Variants in CARMIL1 observed in about 807,000 individuals in gnomAD.
The protein encoded by CARMIL1 is F-actin-uncapping protein LRRC16A.
In CARMIL1, 90 loss-of-function variants were observed where a neutral mutation model predicts 177.1. The observed-to-expected ratio is 0.51, with a 90% confidence interval of 0.43 to 0.61. The LOEUF (loss-of-function observed/expected upper bound fraction) is 0.61. CARMIL1 is among the 20% of genes least tolerant of loss of function. The probability of loss-of-function intolerance (pLI) is 0.00; values close to 1 mark genes in which losing one functional copy is unlikely to be tolerated. For missense variants in CARMIL1, 1,380 were observed against 1,667.0 expected (o/e 0.83, Z 3.00); for synonymous variants, 577 against 606.2 (o/e 0.95, Z 0.71).
At chr6:25,457,617 G>A (rs186680446) in intron 8 of CARMIL1, among the ~76,000 whole-genome samples, 17 of 152,302 alleles carry the variant, frequency 1.1e-4, no homozygotes, top group Admixed American at 2.0e-4. Context: ...AAAGGCTATC[G>A]AATGAATATG....
intron 2 of CARMIL1, among the ~76,000 whole-genome samples, chr6:25,341,583 G>A (rs113551054): frequency 0.012 from 1,752 of 152,290 alleles, 32 homozygotes; most frequent in African/African-American, 0.04. Context: ...AATTAGCGTG[G>A]TGCACACGCC....
At chr6:25,308,507 G>A (rs370708305) in intron 2 of CARMIL1, among the ~76,000 whole-genome samples, 77 of 149,786 alleles carry the variant, frequency 5.1e-4, no homozygotes, top group African/African-American at 1.8e-3. Context: ...TCAGCCTCCC[G>A]AGTAGCAGGG....
rs147151874 is a variant in CARMIL1, at chr6:25,470,427, T to A, written c.691-742T>A. Among the ~76,000 whole-genome samples, 828 of 152,344 alleles carry A rather than the reference T, an allele frequency of 5.4e-3. 8 individuals carry two copies. Among genetic ancestry groups the A allele is most frequent in the African/African-American group, 0.018 (734 of 41,576 alleles). ...CATTATCATAATCACTAACACTTAGTCTTCAGCTCTCCATTTTGAATGTCA... is the reference window on the plus strand; with the variant it reads ...CATTATCATAATCACTAACACTTAGACTTCAGCTCTCCATTTTGAATGTCA... On this transcript the variant is annotated intron_variant, in intron 9 of 36. Coordinates refer to ENST00000329474, the MANE Select transcript of CARMIL1 (RefSeq NM_017640.6).
At chr6:25,598,746 TG>T (rs761502174) in intron 32 of CARMIL1, among the ~76,000 whole-genome samples, 34 of 152,162 alleles carry the variant, frequency 2.2e-4, no homozygotes, top group African/African-American at 7.7e-4. Flanking sequence ...TGAAAAGGAA[TG>T]GGGGCACCGA....
chr6:25,491,335 GTTCTGCAAACACT>G (rs1345875180), intron 13 of CARMIL1, among the ~76,000 whole-genome samples: 10 of 152,178 alleles, frequency 6.6e-5, no homozygotes, highest in African/African-American at 2.4e-4. Context: ...CAGATTCGTA[GTTCTGCAAACACT>G]TTCAAAAGTG....
intron 11 of CARMIL1, among the ~76,000 whole-genome samples, chr6:25,480,810 T>G (rs1802049977): frequency 7.1e-6 from 1 of 139,902 alleles, no homozygotes; most frequent in Admixed American, 7.6e-5. Flanking sequence ...AATCTCCACC[T>G]CCTGAGTTCA....
intron 36 of CARMIL1, among the ~76,000 whole-genome samples, chr6:25,616,103 T>C (rs1048763846): frequency 1.3e-5 from 2 of 152,192 alleles, no homozygotes; most frequent in African/African-American, 4.8e-5. Flanking sequence ...AATATGTAAA[T>C]AGACACACGC....
intron 36 of CARMIL1, among the ~76,000 whole-genome samples, chr6:25,616,636 T>A (rs1167761290): frequency 6.6e-6 from 1 of 152,142 alleles, no homozygotes; most frequent in Non-Finnish European, 1.5e-5. Flanking sequence ...CATTCTGGAG[T>A]TTTAAGTTTC....
chr6:25,477,163 C>T (rs1801656478), intron 11 of CARMIL1, among the ~76,000 whole-genome samples: 1 of 150,934 alleles, frequency 6.6e-6, no homozygotes, highest in Admixed American at 6.6e-5. Context: ...GTTAAGTGGC[C>T]AGGAATTCTG....
chr6:25,398,908 A>G (rs886639064), intron 2 of CARMIL1, among the ~76,000 whole-genome samples: 3 of 152,176 alleles, frequency 2.0e-5, no homozygotes, highest in Admixed American at 6.5e-5. Context: ...TGTTGTTGGG[A>G]CAAGTTAAAT....
chr6:25,464,986 T>G (rs1800462378), intron 8 of CARMIL1, among the ~76,000 whole-genome samples: 1 of 143,366 alleles, frequency 7.0e-6, no homozygotes. Context: ...ATAGCTTCAC[T>G]ACATGGTCAA....
intron 11 of CARMIL1, among the ~76,000 whole-genome samples, chr6:25,478,367 G>C (rs1324420632): frequency 6.6e-6 from 1 of 152,136 alleles, no homozygotes; most frequent in Non-Finnish European, 1.5e-5. Context: ...TCTTGGACAA[G>C]TTACCTACCT....
intron 29 of CARMIL1, 73 bp from the exon 30 acceptor site, chr6:25,580,851 T>TGG (rs1385467075): frequency 2.6e-5 from 30 of 1,132,880 alleles, no homozygotes; most frequent in Non-Finnish European, 1.3e-6. Flanking sequence ...CGATCCAGAA[T>TGG]GTTTCAGAAG....
At chr6:25,544,606 TACACACACACACACACACAC>T (rs3034120) in intron 26 of CARMIL1, among the ~76,000 whole-genome samples, 15 of 142,512 alleles carry the variant, frequency 1.1e-4, no homozygotes, top group African/African-American at 3.4e-4. Context: ...GTTACTAGAC[TACACACACACACACACACAC>T]ACACACACAC....
At chr6:25,482,767 T>G (rs73393872) in intron 12 of CARMIL1, among the ~76,000 whole-genome samples, 1,901 of 152,314 alleles carry the variant, frequency 0.012, 46 homozygotes, top group African/African-American at 0.043. Context: ...GCTCCACTCC[T>G]TGTAGTTCTG....
rs1290362814 is a variant in CARMIL1 at position 25,620,092 on chromosome 6, A to T, written c.*509A>T. 1.3e-5 allele frequency: 2 copies of T among 152,748 alleles called. No homozygotes were observed. The highest frequency in any genetic ancestry group is 2.4e-5 in the African/African-American group (1 of 41,470). The allele number at this position is 152,748 out of a possible 1,614,324, so 9.5% of individuals were successfully genotyped here. On this transcript the variant is annotated 3_prime_UTR_variant, in exon 37 of 37. Transcript: ENST00000329474. ...TGCAATTGCACATTGTAATTATATT[A>T]ACAGAGCACACTAATAATTTGTATA...
At chr6:25,347,878 T>A (rs963607218) in intron 2 of CARMIL1, among the ~76,000 whole-genome samples, 1 of 152,232 alleles carries the variant, frequency 6.6e-6, no homozygotes, top group Non-Finnish European at 1.5e-5. Context: ...CTTTTAGTCT[T>A]ACAATCAGTA....
At chr6:25,325,354 C>T (rs1784986053) in intron 2 of CARMIL1, among the ~76,000 whole-genome samples, 2 of 152,162 alleles carry the variant, frequency 1.3e-5, no homozygotes, top group South Asian at 4.1e-4. Flanking sequence ...GTAAAAGTGT[C>T]ATCTGGTGTG....
chr6:25,560,189 T>C (rs986634118), intron 29 of CARMIL1, among the ~76,000 whole-genome samples: 3 of 152,200 alleles, frequency 2.0e-5, no homozygotes, highest in Non-Finnish European at 4.4e-5. Context: ...AACTTAATTT[T>C]ATAAAGTTAA....
Sources: allele counts gnomAD v4.1 joint callset (sites outside exome capture counted in the v4.1 genomes callset), GRCh38; gene constraint gnomAD v4.1.1; transcripts MANE v1.5; gene names NCBI Gene and HGNC (gene_info 2026-07-23, HGNC 2026-07-21).